The following CACNA1A variants were observed in gnomAD, a reference collection of about 807,000 sequenced individuals.
CACNA1A encodes the protein calcium voltage-gated channel subunit alpha1 A, also known as voltage-dependent P/Q-type calcium channel subunit alpha-1A.
Under a neutral mutation model 262.4 loss-of-function variants are expected in CACNA1A, and 57 were observed. The ratio of observed to expected loss-of-function variants is 0.22; its 90% CI spans 0.18 to 0.27. The LOEUF (loss-of-function observed/expected upper bound fraction) is 0.27, where lower values mean the gene tolerates loss of function less well. CACNA1A is among the 10% of genes least tolerant of loss of function. The pLI, the probability that CACNA1A is intolerant of heterozygous loss-of-function variation, is 1.00. For missense variants in CACNA1A, 2,526 were observed against 3,562.8 expected (o/e 0.71, Z 7.41); for synonymous variants, 1,431 against 1,419.3 (o/e 1.01, Z -0.18).
chr19:13,267,803 C>A (rs1373025057), intron 24 of CACNA1A, among the ~76,000 whole-genome samples: 1 of 151,516 alleles, frequency 6.6e-6, no homozygotes, highest in African/African-American at 2.4e-5. Context: ...TTTTTTGAGG[C>A]AGGGTCTCCC....
chr19:13,430,228 C>A (rs1239292857), intron 3 of CACNA1A, among the ~76,000 whole-genome samples: 10 of 143,894 alleles, frequency 6.9e-5, no homozygotes, highest in Admixed American at 6.2e-4. Flanking sequence ...TTTTTTGAGA[C>A]AGAGTTTCGC....
In CACNA1A at chr19:13,235,774, A is replaced by G. The variant is rs761832888; in HGVS notation, c.4951-44T>C. The G allele has an allele frequency of 2.1e-6, 3 of 1,433,216 alleles. No homozygotes were observed. The South Asian group carries it at 3.5e-5, about 17-fold the overall frequency. The allele number at this position is 1,433,216 out of a possible 1,614,324, so 88.8% of individuals were successfully genotyped here. A position where few individuals can be genotyped will look rare whatever the true frequency, so the allele number is the denominator to read the frequency against. ...AGGGGTGACCATCCACCCACCCCAA[A>G]AGGCTCAGAGCTGTCACCACTCACA... On this transcript the variant is annotated intron_variant, in intron 31 of 46. Transcript: ENST00000360228.
chr19:13,288,540 G>A (rs2057459687), intron 19 of CACNA1A, among the ~76,000 whole-genome samples: 1 of 152,046 alleles, frequency 6.6e-6, no homozygotes, highest in South Asian at 2.1e-4. Context: ...TGGATATATA[G>A]AGCCACCGTG....
chr19:13,492,378 T>C (rs556900312), intron 1 of CACNA1A, among the ~76,000 whole-genome samples: 33 of 152,126 alleles, frequency 2.2e-4, no homozygotes, highest in Admixed American at 3.3e-4. Context: ...ACTTATCTGA[T>C]TGGTGAAGAT....
At chr19:13,354,130 T>A (rs978430068) in intron 6 of CACNA1A, among the ~76,000 whole-genome samples, 2 of 152,140 alleles carry the variant, frequency 1.3e-5, no homozygotes, top group Non-Finnish European at 2.9e-5. Flanking sequence ...ACTGAAAGGA[T>A]GTTAAGAGAA....
chr19:13,490,601 CA>C (rs1444468691), intron 1 of CACNA1A, among the ~76,000 whole-genome samples: 1 of 133,146 alleles, frequency 7.5e-6, no homozygotes, highest in African/African-American at 2.9e-5. Context: ...GACTCCATCT[CA>C]AAAAACAAAA....
chr19:13,243,426 C>A (rs1034379808), intron 31 of CACNA1A, among the ~76,000 whole-genome samples: 1 of 152,136 alleles, frequency 6.6e-6, no homozygotes, highest in Admixed American at 6.5e-5. Context: ...GCAAACAGAT[C>A]CTTTTCTGTA....
intron 1 of CACNA1A, among the ~76,000 whole-genome samples, chr19:13,479,118 G>A (rs1405539556): frequency 2.0e-5 from 3 of 152,190 alleles, no homozygotes. Context: ...AGGTTGCAGT[G>A]AGCCCAGATC....
chr19:13,340,072 C>T (rs59607320), intron 6 of CACNA1A, among the ~76,000 whole-genome samples: 2,981 of 152,184 alleles, frequency 0.02, 102 homozygotes, highest in African/African-American at 0.067. Flanking sequence ...AACTCTGCAC[C>T]GGCCGCCAGT....
intron 35 of CACNA1A, among the ~76,000 whole-genome samples, chr19:13,231,435 G>A (rs1202326446): frequency 2.0e-5 from 3 of 152,006 alleles, no homozygotes; most frequent in South Asian, 2.1e-4. Context: ...CAGGAGGAAC[G>A]GGTGGCGTGT....
intron 6 of CACNA1A, among the ~76,000 whole-genome samples, chr19:13,351,693 A>G (rs1191524914): frequency 6.6e-6 from 1 of 152,178 alleles, no homozygotes. Flanking sequence ...TATTTTTAGT[A>G]GAGACGGGGT....
At chr19:13,449,935 G>A (rs2060884555) in intron 3 of CACNA1A, among the ~76,000 whole-genome samples, 1 of 152,218 alleles carries the variant, frequency 6.6e-6, no homozygotes, top group African/African-American at 2.4e-5. Context: ...GAGGTCAGGA[G>A]TTCAAGACCA....
chr19:13,234,979 G>C lies in CACNA1A; in HGVS notation c.5191C>G (p.Gln1731Glu). ...EDEDSDEDEF[Q>E]ITEHNNFRTF... is the part of the protein sequence containing the mutation. ...CGGAAGTTATTGTGCTCAGTGATTT[G>C]GAACTCATCTTCATCACTGTCCTCG... The change falls in exon 34 of 47, where the codon CAA (glutamine) becomes GAA (glutamate). Residue 1731 changes from glutamine to glutamate, a missense_variant. Transcript: ENST00000360228. The C allele has an allele frequency of 6.2e-7, 1 of 1,613,910 alleles. No individual in the cohort carries two copies. Among genetic ancestry groups the C allele is most frequent in the South Asian group, 1.1e-5 (1 of 91,084 alleles).
chr19:13,432,681 C>T (rs1311411746), intron 3 of CACNA1A, among the ~76,000 whole-genome samples: 7 of 150,702 alleles, frequency 4.6e-5, no homozygotes. Context: ...ATGTAATATA[C>T]AACATAAGGT....
At chr19:13,239,610 A>C (rs2056000688) in intron 31 of CACNA1A, among the ~76,000 whole-genome samples, 1 of 152,172 alleles carries the variant, frequency 6.6e-6, no homozygotes, top group Non-Finnish European at 1.5e-5. Flanking sequence ...CAGGGCAAAG[A>C]TGCCATTGGG....
At position 13,209,471 on chromosome 19, in the gene CACNA1A, G is replaced by C; in HGVS notation, c.6367C>G (p.Arg2123Gly). 1 of 1,346,122 alleles carries C rather than the reference G, an allele frequency of 7.4e-7. No individual in the cohort carries two copies. The highest frequency in any genetic ancestry group is 9.6e-7 in the Non-Finnish European group (1 of 1,042,904). 83.4% of individuals were successfully genotyped at this position (1,346,122 alleles called of 1,614,324 possible). ...TTGGGGCCCAGCACGGAGGCTGAAC[G>C]CTTCATGGGGCTGGTGTCTGAGATG... is the stretch of plus-strand genomic sequence containing the variant. The part of the protein sequence containing the change: ...STISDTSPMK[R>G]SASVLGPKAR... The change falls in exon 45 of 47, where the codon CGT (arginine) becomes GGT (glycine). Residue 2123 changes from arginine to glycine, a missense_variant. By Grantham distance (125) the Arg-to-Gly change is moderately radical (BLOSUM62 -2). Around this residue, in one of 17 missense-constraint regions of CACNA1A, gnomAD observed 929 missense variants for 868.1 expected, o/e 1.07. Transcript: ENST00000360228.
At chr19:13,434,626 GAC>G (rs1418042277) in intron 3 of CACNA1A, among the ~76,000 whole-genome samples, 1 of 151,938 alleles carries the variant, frequency 6.6e-6, no homozygotes, top group East Asian at 1.9e-4. Flanking sequence ...GCCATGTGAG[GAC>G]ACCTGCTCCA....
intron 10 of CACNA1A, among the ~76,000 whole-genome samples, chr19:13,329,195 C>T (rs2058424354): frequency 6.6e-6 from 1 of 152,140 alleles, no homozygotes; most frequent in South Asian, 2.1e-4. Context: ...TTCCCTCCTC[C>T]CTCGAACTCT....
In CACNA1A at chr19:13,333,033, G is replaced by A; in HGVS notation, c.1199-108C>T. ...CACCCCCATTCTCTGCTGACTGATGGTGACAGCTCAACCGACCAAAAAACA... is the reference window on the plus strand; with the variant it reads ...CACCCCCATTCTCTGCTGACTGATGATGACAGCTCAACCGACCAAAAAACA... On this transcript the variant is annotated intron_variant, in intron 8 of 46. Transcript: ENST00000360228. The A allele has an allele frequency of 5.9e-6, 5 of 841,878 alleles. No individual in the cohort carries two copies. In the South Asian group the frequency reaches 7.8e-5, roughly 13 times the overall value. The allele number at this position is 841,878 out of a possible 1,614,324, so 52.2% of individuals were successfully genotyped here. A position where few individuals can be genotyped will look rare whatever the true frequency, so the allele number is the denominator to read the frequency against.
Sources: allele counts gnomAD v4.1 joint callset (sites outside exome capture counted in the v4.1 genomes callset), GRCh38; gene constraint gnomAD v4.1.1; regional missense constraint gnomAD v4.1.1; transcripts MANE v1.5; gene names NCBI Gene and HGNC (gene_info 2026-07-23, HGNC 2026-07-21).